The following ZNF667 variants were observed in gnomAD, a reference collection of about 807,000 sequenced individuals.
The protein encoded by ZNF667 is zinc finger protein 667, also known as myocardial ischemic preconditioning upregulated 1 ortholog.
Under a neutral mutation model 31.8 loss-of-function variants are expected in ZNF667, and 13 were observed. The ratio of observed to expected loss-of-function variants is 0.41; its 90% confidence interval spans 0.27 to 0.65. ZNF667 has a LOEUF of 0.65. Among genes scored for constraint, ZNF667 ranks in the 30% least tolerant of loss-of-function variants. ZNF667 has a pLI of 0.32. For missense variants in ZNF667, 642 were observed against 725.6 expected, an observed-to-expected ratio of 0.88 and a Z score of 1.32; for synonymous variants, 228 against 247.1, an observed-to-expected ratio of 0.92 and a Z score of 0.73.
intron 2 of ZNF667, among the ~76,000 whole-genome samples, chr19:56,473,518 A>G (rs1402865028): frequency 6.6e-6 from 1 of 152,202 alleles, no homozygotes; most frequent in East Asian, 1.9e-4. Context: ...AAAAGAAACA[A>G]AGTAGAACCA....
chr19:56,467,156 T>C, intron 3 of ZNF667: 12 of 413,062 alleles, frequency 2.9e-5, no homozygotes, highest in South Asian at 2.1e-4. Flanking sequence ...GGCCACATCA[T>C]GCTAAGGGGA....
At chr19:56,460,604 T>C (rs2043024889) in intron 5 of ZNF667, 85 bp downstream of exon 5, 1 of 1,443,948 alleles carries the variant, frequency 6.9e-7, no homozygotes, top group Non-Finnish European at 9.2e-7. Flanking sequence ...GAAACTGCAG[T>C]GGCTTCCATT....
intron 3 of ZNF667, 101 bp from the exon 4 acceptor site, chr19:56,462,530 C>T (rs979465486): frequency 1.3e-5 from 10 of 748,552 alleles, no homozygotes; most frequent in East Asian, 1.0e-4. Flanking sequence ...CACATATGCA[C>T]GTGCACACAC....
intron 6 of ZNF667, among the ~76,000 whole-genome samples, chr19:56,447,272 T>A (rs74404536): frequency 0.016 from 2,493 of 152,216 alleles, 75 homozygotes; most frequent in African/African-American, 0.056. Context: ...ATTTTCTATA[T>A]GAAAGCTTAC....
intron 3 of ZNF667, chr19:56,467,210 AG>A (rs1423804452): frequency 8.0e-5 from 29 of 363,956 alleles, no homozygotes; most frequent in Non-Finnish European, 1.5e-4. Flanking sequence ...GGGGGAAATG[AG>A]GGCACTGTGG....
chr19:56,450,764 G>C (rs767705990), intron 6 of ZNF667, among the ~76,000 whole-genome samples: 1 of 152,090 alleles, frequency 6.6e-6, no homozygotes, highest in African/African-American at 2.4e-5. Flanking sequence ...CTCTTTGCTT[G>C]TTTGTTGGTT....
rs2042589004 is a variant in ZNF667, at chr19:56,441,032, GCT to G, written c.*128_*129del. 6 of 1,454,710 alleles carry G rather than the reference GCT, an allele frequency of 4.1e-6. No homozygotes were observed. In the Admixed American group the frequency reaches 1.5e-4, roughly 37 times the overall value. The allele number at this position is 1,454,710 out of a possible 1,614,324, so 90.1% of individuals were successfully genotyped here. On this transcript the variant is annotated 3_prime_UTR_variant, in exon 7 of 7. Coordinates refer to ENST00000504904, the MANE Select transcript of ZNF667 (RefSeq NM_001321356.2). The surrounding 1 kb of genome is among the most constrained non-coding windows in gnomAD (Gnocchi z 4.2). ...GAGGTCAAAATCACCAATGACTTTT[GCT>G]CTTTGGCTTTCAAAGTGGGACATAT...
At chr19:56,475,262 AGTGCCCAATCCATG>A (rs2147858181) in intron 1 of ZNF667, 2 of 152,360 alleles carry the variant, frequency 1.3e-5, no homozygotes, top group African/African-American at 4.8e-5. Flanking sequence ...AGACTAGCAC[AGTGCCCAATCCATG>A]GTAGGCACTC....
At position 56,467,020 on chromosome 19, in the gene ZNF667, C is replaced by A. The variant is rs1202661486; in HGVS notation, c.-59-4591G>T. On this transcript the variant is annotated intron_variant, in intron 3 of 6. Coordinates refer to ENST00000504904, the MANE Select transcript of ZNF667 (RefSeq NM_001321356.2). ...TTCCTTCCTGTGCAAGATCCAAGAA[C>A]CCTCTCTTATGGTCTGGATTGGGAC... is the stretch of plus-strand genomic sequence containing the variant. The A allele has an allele frequency of 4.4e-6, 2 of 456,696 alleles. 1 individual carries two copies. The highest frequency in any genetic ancestry group is 3.1e-5 in the South Asian group (2 of 64,552). The allele number at this position is 456,696 out of a possible 1,614,324, so 28.3% of individuals were successfully genotyped here.
chr19:56,459,280 G>A (rs182153401), intron 5 of ZNF667, among the ~76,000 whole-genome samples: 8 of 152,274 alleles, frequency 5.3e-5, no homozygotes, highest in Admixed American at 4.6e-4. Context: ...TCCTGAGGCT[G>A]GTTATGAAGT....
At chr19:56,465,475 A>C (rs771501510) in intron 3 of ZNF667, among the ~76,000 whole-genome samples, 4 of 152,280 alleles carry the variant, frequency 2.6e-5, no homozygotes, top group Non-Finnish European at 5.9e-5. Flanking sequence ...ACGAATACTA[A>C]GATGAATTAT....
chr19:56,466,862 C>T (rs1262074553), intron 3 of ZNF667: 2 of 391,900 alleles, frequency 5.1e-6, no homozygotes, highest in Non-Finnish European at 1.0e-5. Flanking sequence ...AGTGCATCTG[C>T]ACATTCCAGG....
chr19:56,474,833 T>A (rs1329567124), intron 1 of ZNF667: 1 of 152,166 alleles, frequency 6.6e-6, no homozygotes. Flanking sequence ...CGCCCTTTTT[T>A]TTCTTTTTTT....
intron 6 of ZNF667, among the ~76,000 whole-genome samples, chr19:56,451,089 T>G (rs183064182): frequency 6.6e-6 from 1 of 151,868 alleles, no homozygotes; most frequent in East Asian, 1.9e-4. Flanking sequence ...ATAAGAAACA[T>G]GATTTGCCTA....
chr19:56,467,017 G>A (rs576177638), intron 3 of ZNF667: 42 of 456,464 alleles, frequency 9.2e-5, no homozygotes, highest in Non-Finnish European at 1.8e-4. Context: ...CAAGATCCAA[G>A]AACCCTCTCT....
chr19:56,441,079 CACAAAATTT>C lies in ZNF667; in HGVS notation c.*74_*82del, dbSNP rs1386615495. On this transcript the variant is annotated 3_prime_UTR_variant, in exon 7 of 7. Coordinates refer to ENST00000504904, the MANE Select transcript of ZNF667 (RefSeq NM_001321356.2). This position sits in a 1 kb window ranked among gnomAD's most constrained non-coding sequence, Gnocchi z 4.2. ...ACATATCATCAAATGGTCCCATATA[CACAAAATTT>C]ACATTATAGACAAATACATATTTGC... is the stretch of plus-strand genomic sequence containing the variant. The C allele has an allele frequency of 2.0e-6, 3 of 1,512,158 alleles. No individual in the cohort carries two copies. In the African/African-American group the frequency reaches 4.2e-5, roughly 21 times the overall value. The allele number at this position is 1,512,158 out of a possible 1,614,324, so 93.7% of individuals were successfully genotyped here.
intron 3 of ZNF667, chr19:56,466,919 G>C: frequency 2.3e-6 from 1 of 435,096 alleles, no homozygotes; most frequent in South Asian, 1.7e-5. Context: ...CCTGCTTTCT[G>C]AGAACACCCT....
chr19:56,453,043 T>C lies in ZNF667; in HGVS notation c.253+5112A>G, dbSNP rs184409867. ...AAGACCAGAGATGCAAAAGGAATGA[T>C]TGCAACTGATACTACAGATACTCAA... On this transcript the variant is annotated intron_variant, in intron 6 of 6. Coordinates refer to ENST00000504904, the MANE Select transcript of ZNF667 (RefSeq NM_001321356.2). Among the ~76,000 whole-genome samples, 5 of 152,148 alleles carry C rather than the reference T, an allele frequency of 3.3e-5. No individual in the cohort carries two copies. The East Asian group carries it at 7.7e-4, about 23-fold the overall frequency.
chr19:56,461,964 C>T (rs1207725127), intron 4 of ZNF667, among the ~76,000 whole-genome samples: 2 of 152,234 alleles, frequency 1.3e-5, no homozygotes, highest in East Asian at 3.9e-4. Flanking sequence ...CATGTCAAGT[C>T]CCCTCTGCTA....
Sources: gnomAD v4.1 joint callset for allele counts (sites outside exome capture counted in the v4.1 genomes callset) on GRCh38, gnomAD v4.1.1 for gene constraint, Gnocchi (gnomAD v3.1) non-coding constraint, MANE v1.5 for transcripts, NCBI Gene and HGNC (gene_info 2026-07-23, HGNC 2026-07-21) for gene names.